ATP2C2: variants seen among roughly 807,000 people sequenced by gnomAD.
ATP2C2 encodes ATPase secretory pathway Ca2+ transporting 2, also known as calcium-transporting ATPase type 2C member 2.
Under a neutral mutation model 110.8 loss-of-function variants are expected in ATP2C2, and 171 were observed. The ratio of observed to expected loss-of-function variants is 1.54; its 90% CI spans 1.36 to 1.75. ATP2C2 has a LOEUF of 1.75. ATP2C2 is among the 40% of genes most tolerant of loss of function. ATP2C2 has a pLI of 0.00. For missense variants in ATP2C2, 1,963 were observed against 1,235.0 expected, an observed-to-expected ratio of 1.59 and a Z score of -8.84; for synonymous variants, 804 against 508.4, an observed-to-expected ratio of 1.58 and a Z score of -7.82.
chr16:84,433,851 C>A (rs1195267994), intron 11 of ATP2C2, among the ~76,000 whole-genome samples: 1 of 152,188 alleles, frequency 6.6e-6, no homozygotes, highest in Admixed American at 6.5e-5. Context: ...TCTCTCCCCA[C>A]CCAGTGCTAT....
chr16:84,417,785 G>A (rs1267292886), intron 7 of ATP2C2, among the ~76,000 whole-genome samples: 2 of 152,228 alleles, frequency 1.3e-5, no homozygotes, highest in African/African-American at 2.4e-5. Context: ...GCTACTGGCT[G>A]TGAACACTCT....
chr16:84,410,652 G>A, intron 5 of ATP2C2, 49 bp downstream of exon 5: 1 of 1,613,674 alleles, frequency 6.2e-7, no homozygotes, highest in Non-Finnish European at 8.5e-7. Flanking sequence ...CGGGACAGGA[G>A]CTTCATGGAG....
At chr16:84,450,708 G>C (rs550535394) in intron 17 of ATP2C2, among the ~76,000 whole-genome samples, 3 of 152,260 alleles carry the variant, frequency 2.0e-5, no homozygotes, top group Non-Finnish European at 4.4e-5. Flanking sequence ...CCCCCTCTCA[G>C]ATCACCCAGG....
intron 2 of ATP2C2, among the ~76,000 whole-genome samples, chr16:84,401,944 G>T (rs1905351666): frequency 2.6e-5 from 4 of 151,502 alleles, no homozygotes; most frequent in Admixed American, 2.0e-4. Flanking sequence ...TAACAATATT[G>T]ATTTTTCCAA....
Position 84,422,545 on chromosome 16 carries a change from C to T in ATP2C2, c.774+6C>T, listed in dbSNP as rs1907441170. 2.5e-6 allele frequency: 4 copies of T among 1,613,190 alleles called. No homozygotes were observed. Among genetic ancestry groups the T allele is most frequent in the Non-Finnish European group, 3.4e-6 (4 of 1,179,574 alleles). ...TGCAGTATGGGAGGGGCCAGGTAAG[C>T]CCTGGGACACCGAGGCCTTGGGCTC... is the stretch of plus-strand genomic sequence containing the variant. On this transcript the variant is annotated splice_donor_region_variant and intron_variant, in intron 8 of 26. Coordinates refer to ENST00000262429, the MANE Select transcript of ATP2C2 (RefSeq NM_014861.4).
intron 1 of ATP2C2, among the ~76,000 whole-genome samples, chr16:84,383,951 A>G (rs1904291398): frequency 6.6e-6 from 1 of 151,906 alleles, no homozygotes; most frequent in African/African-American, 2.4e-5. Flanking sequence ...CACCACGCCC[A>G]GCTAATTTTT....
intron 3 of ATP2C2, among the ~76,000 whole-genome samples, chr16:84,407,803 G>A (rs1001655): frequency 0.065 from 9,878 of 152,214 alleles, 429 homozygotes; most frequent in Non-Finnish European, 0.097. Flanking sequence ...TCCTTATCCT[G>A]ATCTTTGGTC....
chr16:84,426,018 T>G (rs2150549692), intron 11 of ATP2C2: 1 of 573,548 alleles, frequency 1.7e-6, no homozygotes. Context: ...TGATCCAGGG[T>G]GTCCCTTTTG....
chr16:84,459,538 C>G (rs410388), intron 23 of ATP2C2, 152 bp downstream of exon 23: 1,543,116 of 1,543,852 alleles, frequency 1, 771,194 homozygotes, highest in South Asian at 1. Context: ...TGTTGCACTG[C>G]AGTGAGACTG....
chr16:84,461,030 C>A (rs1202306521), intron 24 of ATP2C2: 2 of 550,226 alleles, frequency 3.6e-6, no homozygotes, highest in Non-Finnish European at 6.1e-6. Flanking sequence ...CAGAGGCCAG[C>A]GGGGTGGAGA....
At chr16:84,369,842 G>T (rs1013546724) in intron 1 of ATP2C2, among the ~76,000 whole-genome samples, 8 of 152,174 alleles carry the variant, frequency 5.3e-5, no homozygotes, top group Non-Finnish European at 1.2e-4. Flanking sequence ...TAGGGTGGTA[G>T]GCCACAGGAC....
At chr16:84,434,719 C>T (rs2914820) in intron 11 of ATP2C2, among the ~76,000 whole-genome samples, 74,326 of 151,622 alleles carry the variant, frequency 0.49, 18,846 homozygotes, top group Non-Finnish European at 0.57. Flanking sequence ...GGTTTCAACA[C>T]GTTGGCCAGG....
At chr16:84,463,544 G>T (rs897790467) in intron 26 of ATP2C2, 70 bp from the exon 27 acceptor site, 8 of 1,303,542 alleles carry the variant, frequency 6.1e-6, no homozygotes, top group Non-Finnish European at 8.9e-6. Context: ...GACTGGCAGG[G>T]AAGGCGCTTC....
chr16:84,405,373 C>T, intron 3 of ATP2C2, 129 bp downstream of exon 3: 2 of 743,324 alleles, frequency 2.7e-6, no homozygotes, highest in East Asian at 5.4e-5. Context: ...CTGCCCCAGC[C>T]AGCCTGAGCA....
intron 15 of ATP2C2, among the ~76,000 whole-genome samples, chr16:84,443,996 A>G (rs1909509585): frequency 2.0e-5 from 3 of 151,990 alleles, no homozygotes; most frequent in Admixed American, 2.0e-4. Flanking sequence ...GCGAAAACCC[A>G]TCTCTACAAA....
intron 21 of ATP2C2, among the ~76,000 whole-genome samples, chr16:84,458,358 G>GTC (rs1910888679): frequency 8.7e-3 from 44 of 5,040 alleles, no homozygotes; most frequent in Non-Finnish European, 0.012. Context: ...GTCGGGGGAG[G>GTC]GGGGGAGGGA....
intron 1 of ATP2C2, among the ~76,000 whole-genome samples, chr16:84,373,158 A>T (rs1910055278): frequency 1.3e-5 from 2 of 151,180 alleles, no homozygotes; most frequent in Admixed American, 1.3e-4. Flanking sequence ...ATAAAATTAT[A>T]AAGTACAAAT....
intron 1 of ATP2C2, among the ~76,000 whole-genome samples, 170 bp downstream of exon 1, chr16:84,368,884 C>T (rs932656630): frequency 4.6e-5 from 7 of 152,230 alleles, no homozygotes; most frequent in African/African-American, 1.4e-4. Context: ...CATCTGCGCT[C>T]TGGCGCGGGG....
intron 6 of ATP2C2, among the ~76,000 whole-genome samples, chr16:84,412,786 T>C (rs1408684306): frequency 6.6e-6 from 1 of 152,090 alleles, no homozygotes; most frequent in East Asian, 1.9e-4. Flanking sequence ...ACCTGGCTGC[T>C]CAAAGTGATA....
Sources: allele counts gnomAD v4.1 joint callset (sites outside exome capture counted in the v4.1 genomes callset), GRCh38; gene constraint gnomAD v4.1.1; transcripts MANE v1.5; gene names NCBI Gene and HGNC (gene_info 2026-07-23, HGNC 2026-07-21).